PAN3: variants seen among roughly 807,000 people sequenced by gnomAD.
PAN3 encodes the protein PAN2-PAN3 deadenylation complex subunit PAN3.
PAN3 carries 19 observed loss-of-function variants against 96.2 expected under a neutral mutation model. The observed-to-expected ratio is 0.20, with a 90% CI of 0.14 to 0.29. The LOEUF is 0.29. Among genes scored for constraint, PAN3 ranks in the 10% least tolerant of loss-of-function variants. The probability of loss-of-function intolerance (pLI) is 1.00; values close to 1 mark genes in which losing one functional copy is unlikely to be tolerated. For synonymous variants in PAN3, 433 were observed against 406.6 expected, an observed-to-expected ratio of 1.06 and a Z score of -0.78; for missense variants, 882 against 1,108.1, an observed-to-expected ratio of 0.80 and a Z score of 2.90.
intron 1 of PAN3, among the ~76,000 whole-genome samples, chr13:28,166,879 A>G (rs975997754): frequency 2.0e-5 from 3 of 152,080 alleles, no homozygotes; most frequent in African/African-American, 7.2e-5. Context: ...CAGAGATGTG[A>G]GGCAACCCTG....
chr13:28,203,515 C>G (rs1878989541), intron 5 of PAN3, among the ~76,000 whole-genome samples: 1 of 151,460 alleles, frequency 6.6e-6, no homozygotes, highest in Non-Finnish European at 1.5e-5. Flanking sequence ...CTCCATATTG[C>G]TCAGGCCGGT....
chr13:28,278,261 T>C (rs1285083418), intron 15 of PAN3, among the ~76,000 whole-genome samples: 1 of 152,230 alleles, frequency 6.6e-6, no homozygotes, highest in Non-Finnish European at 1.5e-5. Flanking sequence ...AATGTCCTAC[T>C]TGTGACAGCA....
At chr13:28,204,601 C>T (rs956664228) in intron 5 of PAN3, among the ~76,000 whole-genome samples, 2 of 152,116 alleles carry the variant, frequency 1.3e-5, no homozygotes, top group African/African-American at 4.8e-5. Context: ...TTTAAGGGCT[C>T]ACATTTAAAT....
At chr13:28,211,771 A>T (rs961342) in intron 5 of PAN3, among the ~76,000 whole-genome samples, 34,107 of 152,182 alleles carry the variant, frequency 0.22, 3,952 homozygotes, top group East Asian at 0.34. Flanking sequence ...AAACATATGT[A>T]ACAGCAGTTT....
At chr13:28,263,262 C>T (rs185577390) in intron 9 of PAN3, among the ~76,000 whole-genome samples, 1 of 152,226 alleles carries the variant, frequency 6.6e-6, no homozygotes, top group Non-Finnish European at 1.5e-5. Flanking sequence ...GAGCCAGACA[C>T]GTTCTGTGAT....
chr13:28,184,198 T>G (rs980062065), intron 4 of PAN3, among the ~76,000 whole-genome samples: 1 of 152,230 alleles, frequency 6.6e-6, no homozygotes, highest in Non-Finnish European at 1.5e-5. Flanking sequence ...TGCAGACAGA[T>G]AGAAACTTGA....
At chr13:28,271,742 T>C (rs1243604054) in intron 13 of PAN3, among the ~76,000 whole-genome samples, 2 of 152,224 alleles carry the variant, frequency 1.3e-5, no homozygotes, top group Admixed American at 6.5e-5. Flanking sequence ...ATGTGAGTTA[T>C]AGTTCTGGCT....
At chr13:28,232,953 GT>G (rs1882729618) in intron 6 of PAN3, among the ~76,000 whole-genome samples, 1 of 152,016 alleles carries the variant, frequency 6.6e-6, no homozygotes, top group Non-Finnish European at 1.5e-5. Flanking sequence ...TACAGAACAA[GT>G]TTTTAGGTTA....
intron 6 of PAN3, among the ~76,000 whole-genome samples, chr13:28,254,287 T>C (rs746932316): frequency 2.0e-5 from 3 of 152,242 alleles, no homozygotes; most frequent in Non-Finnish European, 4.4e-5. Context: ...TCTTTTAAGT[T>C]AGTTTCTCCT....
At chr13:28,200,521 A>G (rs1005411412) in intron 5 of PAN3, among the ~76,000 whole-genome samples, 7 of 152,190 alleles carry the variant, frequency 4.6e-5, no homozygotes, top group Non-Finnish European at 1.0e-4. Flanking sequence ...TATTCTCTTC[A>G]GTGCTGGATT....
In PAN3 at chr13:28,138,894, C is replaced by G. The variant is rs1302536349; in HGVS notation, c.237C>G (p.Leu79=). 2 of 1,401,702 alleles carry G rather than the reference C, an allele frequency of 1.4e-6. No homozygotes were observed. The highest frequency in any genetic ancestry group is 3.0e-5 in the African/African-American group (2 of 67,018). The allele number at this position is 1,401,702 out of a possible 1,614,324, so 86.8% of individuals were successfully genotyped here. ...CTGCCGCCGGGGCTGCCCCGGGCCT[C>G]GGCCTCCATAGCAACAGCGTCCCCC... ...EDPAAGAAPG[L]GLHSNSVPLA... The change falls in exon 1 of 19, where the codon CTC becomes CTG. Residue 79 remains leucine (L), a synonymous_variant. Transcript: ENST00000380958.
At chr13:28,268,115 A>G (rs1207665904) in intron 12 of PAN3, among the ~76,000 whole-genome samples, 2 of 152,184 alleles carry the variant, frequency 1.3e-5, no homozygotes, top group African/African-American at 2.4e-5. Context: ...TCAATAGCTT[A>G]GAAATAGTCT....
chr13:28,236,394 A>G (rs919875656), intron 6 of PAN3, among the ~76,000 whole-genome samples: 6 of 152,198 alleles, frequency 3.9e-5, no homozygotes, highest in African/African-American at 1.2e-4. Context: ...GCCTTTATCT[A>G]TATTTTTAAA....
intron 4 of PAN3, among the ~76,000 whole-genome samples, chr13:28,190,612 T>G (rs1404204124): frequency 6.6e-6 from 1 of 152,130 alleles, no homozygotes; most frequent in African/African-American, 2.4e-5. Flanking sequence ...ATTTTGACAC[T>G]GCTATAAAGA....
intron 2 of PAN3, 44 bp downstream of exon 2, chr13:28,174,437 A>G (rs762910831): frequency 2.5e-6 from 4 of 1,587,760 alleles, no homozygotes; most frequent in African/African-American, 1.4e-5. Context: ...AGTTTATTCT[A>G]GGGCCAGAGG....
At chr13:28,160,612 C>T (rs1841017737) in intron 1 of PAN3, among the ~76,000 whole-genome samples, 2 of 152,168 alleles carry the variant, frequency 1.3e-5, no homozygotes, top group South Asian at 4.1e-4. Context: ...AACTCTGACA[C>T]TCACTAAAAT....
intron 9 of PAN3, among the ~76,000 whole-genome samples, chr13:28,264,705 A>C (rs1422377762): frequency 6.6e-6 from 1 of 152,114 alleles, no homozygotes; most frequent in Non-Finnish European, 1.5e-5. Flanking sequence ...GTATTTTCAT[A>C]GTGTATTAGC....
chr13:28,291,926 C>T (rs1869801280), intron 18 of PAN3, among the ~76,000 whole-genome samples: 1 of 152,114 alleles, frequency 6.6e-6, no homozygotes, highest in Non-Finnish European at 1.5e-5. Context: ...ACCACTTCTA[C>T]TTTACTTTTT....
chr13:28,279,636 T>C (rs534907263), intron 15 of PAN3, among the ~76,000 whole-genome samples: 234 of 151,412 alleles, frequency 1.5e-3, no homozygotes, highest in Admixed American at 3.5e-3. Flanking sequence ...GGCGCACGCC[T>C]GTAGTCCCAG....
Sources: gnomAD v4.1 joint callset for allele counts (sites outside exome capture counted in the v4.1 genomes callset) on GRCh38, gnomAD v4.1.1 for gene constraint, MANE v1.5 for transcripts, NCBI Gene and HGNC (gene_info 2026-07-23, HGNC 2026-07-21) for gene names.